Variants in MAGI2 observed in about 807,000 individuals in gnomAD.
The protein encoded by MAGI2 is membrane-associated guanylate kinase, WW and PDZ domain-containing protein 2.
A neutral mutation model predicts 133.3 loss-of-function variants in MAGI2; 35 were observed. The observed-to-expected ratio is 0.26, with a 90% confidence interval of 0.20 to 0.35. MAGI2 has a LOEUF of 0.35. Among genes scored for constraint, MAGI2 ranks in the 10% least tolerant of loss-of-function variants. The probability of loss-of-function intolerance (pLI) is 1.00; values close to 1 mark genes in which losing one functional copy is unlikely to be tolerated. For missense variants in MAGI2, 1,636 were observed against 1,863.4 expected (o/e 0.88, Z 2.25); for synonymous variants, 729 against 710.6 (o/e 1.03, Z -0.41).
intron 3 of MAGI2, among the ~76,000 whole-genome samples, chr7:78,586,918 T>A (rs9918629): frequency 0.033 from 4,961 of 152,324 alleles, 210 homozygotes; most frequent in African/African-American, 0.092. Flanking sequence ...CTTACTTTTT[T>A]AAGGCTGAAC....
At chr7:79,410,124 A>C (rs1213821523) in intron 1 of MAGI2, 1 of 152,078 alleles carries the variant, frequency 6.6e-6, no homozygotes, top group Non-Finnish European at 1.5e-5. Context: ...TGTAATGCTT[A>C]CTCTGTACAG....
rs2074644 is a variant in MAGI2, at chr7:78,127,655, C to G, written c.3204-239G>C. Among the ~76,000 whole-genome samples the G allele has an allele frequency of 2.6e-5, 4 of 152,154 alleles. No homozygotes were observed. The East Asian group carries it at 5.8e-4, about 22-fold the overall frequency. ...CGAAGTCAAGGTAAAAATGATGGTTCAACCAGAACCTTGTGAAAAAGCACT... is the reference window on the plus strand; with the variant it reads ...CGAAGTCAAGGTAAAAATGATGGTTGAACCAGAACCTTGTGAAAAAGCACT... On this transcript the variant is annotated intron_variant, in intron 18 of 21. Coordinates refer to ENST00000354212, the MANE Select transcript of MAGI2 (RefSeq NM_012301.4).
rs368034452 is a variant in MAGI2, at chr7:78,343,854, G to A, written c.1332C>T (p.Asp444=). Residue 444 remains aspartate, a synonymous_variant, in exon 9 of 22, where the codon GAC becomes GAT. Transcript: ENST00000354212. ...MGFGFTIIGG[D]EPDEFLQVKS... Reference sequence around the variant, plus strand: ...TCACCTGCAGAAACTCATCAGGCTCGTCTCCACCAATGATGGTAAATCCAA... The same window carrying A: ...TCACCTGCAGAAACTCATCAGGCTCATCTCCACCAATGATGGTAAATCCAA... 3.7e-5 allele frequency: 60 copies of A among 1,612,996 alleles called. No homozygotes were observed. The highest frequency in any genetic ancestry group is 1.9e-4 in the African/African-American group (14 of 74,828).
intron 10 of MAGI2, 35 bp downstream of exon 10, chr7:78,255,908 C>T: frequency 6.3e-7 from 1 of 1,599,420 alleles, no homozygotes; most frequent in Middle Eastern, 1.7e-4. Context: ...CTATTTTACC[C>T]ACATATTTTA....
At chr7:79,302,051 C>A (rs1288751245) in intron 1 of MAGI2, among the ~76,000 whole-genome samples, 5 of 152,118 alleles carry the variant, frequency 3.3e-5, no homozygotes, top group Admixed American at 1.3e-4. Flanking sequence ...GTATAGCCTG[C>A]AGAACCATGA....
At chr7:78,654,374 A>T (rs1811905458) in intron 2 of MAGI2, among the ~76,000 whole-genome samples, 1 of 152,116 alleles carries the variant, frequency 6.6e-6, no homozygotes, top group African/African-American at 2.4e-5. Context: ...AATTATGTTA[A>T]ATAGATATAT....
At chr7:78,026,505 C>T (rs1808931861) in intron 21 of MAGI2, among the ~76,000 whole-genome samples, 1 of 152,206 alleles carries the variant, frequency 6.6e-6, no homozygotes. Flanking sequence ...GCTGAAGACA[C>T]AGAGGTTGAG....
At chr7:79,086,579 T>G (rs540505556) in intron 1 of MAGI2, among the ~76,000 whole-genome samples, 1 of 151,890 alleles carries the variant, frequency 6.6e-6, no homozygotes, top group Non-Finnish European at 1.5e-5. Flanking sequence ...TTTATTTATT[T>G]TTTTGCCAGT....
At chr7:78,115,492 G>A (rs1385377622) in intron 20 of MAGI2, among the ~76,000 whole-genome samples, 2 of 152,004 alleles carry the variant, frequency 1.3e-5, no homozygotes, top group Non-Finnish European at 2.9e-5. Flanking sequence ...GACACAGAAC[G>A]GTTAAAAGCA....
At chr7:79,242,989 G>A (rs896541680) in intron 1 of MAGI2, among the ~76,000 whole-genome samples, 28 of 152,094 alleles carry the variant, frequency 1.8e-4, no homozygotes, top group African/African-American at 6.0e-4. Context: ...GGCTGAGGTG[G>A]GTGATCACTT....
At chr7:78,161,675 A>G (rs1825006891) in intron 15 of MAGI2, among the ~76,000 whole-genome samples, 1 of 146,652 alleles carries the variant, frequency 6.8e-6, no homozygotes, top group South Asian at 2.1e-4. Context: ...CCTAAAAAAA[A>G]AAAAAAAAAA....
chr7:78,955,136 T>G (rs1802187151), intron 2 of MAGI2, among the ~76,000 whole-genome samples: 1 of 152,156 alleles, frequency 6.6e-6, no homozygotes, highest in Non-Finnish European at 1.5e-5. Flanking sequence ...CAGGGATCAC[T>G]TAATGAGACC....
intron 10 of MAGI2, among the ~76,000 whole-genome samples, chr7:78,244,167 T>TAAAAAAAAAAAAAAA (rs535442682): frequency 1.0e-4 from 7 of 68,826 alleles, no homozygotes; most frequent in Non-Finnish European, 1.7e-4. Flanking sequence ...CTATTTAAAT[T>TAAAAAAAAAAAAAAA]AAAAAAAAAA....
chr7:78,356,498 T>G (rs942665299), intron 7 of MAGI2, among the ~76,000 whole-genome samples: 3 of 152,342 alleles, frequency 2.0e-5, no homozygotes, highest in African/African-American at 4.8e-5. Flanking sequence ...AAATAAATTA[T>G]AAATGAGATG....
At chr7:79,208,239 G>A (rs1372654406) in intron 1 of MAGI2, among the ~76,000 whole-genome samples, 1 of 151,778 alleles carries the variant, frequency 6.6e-6, no homozygotes, top group Non-Finnish European at 1.5e-5. Context: ...TTAAAAGAGT[G>A]AAAAGAGAAC....
chr7:78,171,201 A>C (rs1211223653), intron 14 of MAGI2, among the ~76,000 whole-genome samples: 1 of 152,198 alleles, frequency 6.6e-6, no homozygotes, highest in Non-Finnish European at 1.5e-5. Flanking sequence ...CCCTTGACAC[A>C]TTCTATTATT....
At chr7:78,414,827 C>T (rs1798161235) in intron 6 of MAGI2, among the ~76,000 whole-genome samples, 2 of 152,148 alleles carry the variant, frequency 1.3e-5, no homozygotes, top group East Asian at 1.9e-4. Context: ...TTTAAATATG[C>T]TTTTAATAGT....
At chr7:78,455,739 A>G (rs895264261) in intron 6 of MAGI2, among the ~76,000 whole-genome samples, 3 of 152,140 alleles carry the variant, frequency 2.0e-5, no homozygotes, top group African/African-American at 7.2e-5. Context: ...ATGTTCAGTG[A>G]TGTTAGTCTG....
chr7:79,392,669 G>T (rs1844750289), intron 1 of MAGI2, among the ~76,000 whole-genome samples: 1 of 152,128 alleles, frequency 6.6e-6, no homozygotes, highest in Non-Finnish European at 1.5e-5. Context: ...TTTGAGAAGT[G>T]TCTGTTCATA....
Sources: gnomAD v4.1 joint callset for allele counts (sites outside exome capture counted in the v4.1 genomes callset) on GRCh38, gnomAD v4.1.1 for gene constraint, MANE v1.5 for transcripts, NCBI Gene and HGNC (gene_info 2026-07-23, HGNC 2026-07-21) for gene names.